PDE11A: variants seen among roughly 807,000 people sequenced by gnomAD.
The protein encoded by PDE11A is phosphodiesterase 11A, also known as dual 3',5'-cyclic-AMP and -GMP phosphodiesterase 11A.
A neutral mutation model predicts 100.5 loss-of-function variants in PDE11A; 100 were observed. That is an observed-to-expected ratio of 1.00 (90% CI 0.85 to 1.18). The LOEUF (loss-of-function observed/expected upper bound fraction) is 1.18. PDE11A is among the 50% of genes most tolerant of loss of function. The pLI, the probability that PDE11A is intolerant of heterozygous loss-of-function variation, is 0.00. For missense variants in PDE11A, 1,141 were observed against 1,152.6 expected (o/e 0.99, Z 0.15); for synonymous variants, 381 against 420.8 (o/e 0.91, Z 1.16).
intron 2 of PDE11A, among the ~76,000 whole-genome samples, chr2:178,079,712 C>T (rs1281746760): frequency 6.6e-6 from 1 of 152,110 alleles, no homozygotes; most frequent in Non-Finnish European, 1.5e-5. Flanking sequence ...GAGGAATAGT[C>T]ACACTGTCTT....
chr2:177,875,929 G>T lies in PDE11A; in HGVS notation c.1303-6C>A, dbSNP rs74514411. 3 of 1,579,302 alleles carry T rather than the reference G, an allele frequency of 1.9e-6. No individual in the cohort carries two copies. The highest frequency in any genetic ancestry group is 2.6e-6 in the Non-Finnish European group (3 of 1,148,234). ...GATTTGGTAAATTTCACCACCTGTC[G>T]CATAGAAAGATAATAAATCCAGGTC... On this transcript the variant is annotated splice_region_variant and splice_polypyrimidine_tract_variant and intron_variant, in intron 4 of 19. Coordinates refer to ENST00000286063, the MANE Select transcript of PDE11A (RefSeq NM_016953.4).
chr2:178,073,803 T>C (rs181934490), upstream of PDE11A, among the ~76,000 whole-genome samples: 21 of 152,312 alleles, frequency 1.4e-4, no homozygotes, highest in East Asian at 2.9e-3. Context: ...CAAGTGCCTA[T>C]TTTAAAATCT....
intron 19 of PDE11A, among the ~76,000 whole-genome samples, chr2:177,643,422 G>C (rs781660180): frequency 6.6e-6 from 1 of 152,280 alleles, no homozygotes; most frequent in Non-Finnish European, 1.5e-5. Flanking sequence ...GCAGCATTTT[G>C]TCCCTGCCCT....
intron 2 of PDE11A, among the ~76,000 whole-genome samples, chr2:177,964,286 A>G (rs2085671017): frequency 1.3e-5 from 2 of 152,190 alleles, no homozygotes; most frequent in Non-Finnish European, 2.9e-5. Flanking sequence ...TCCCTCAATT[A>G]TATAATACAC....
intron 2 of PDE11A, among the ~76,000 whole-genome samples, chr2:177,914,355 G>A (rs1029555088): frequency 4.6e-5 from 7 of 151,968 alleles, no homozygotes; most frequent in Admixed American, 2.6e-4. Flanking sequence ...AGCTATGAGC[G>A]CTTTGTCTAA....
intron 2 of PDE11A, among the ~76,000 whole-genome samples, chr2:178,012,454 G>T (rs2086284197): frequency 6.6e-6 from 1 of 152,148 alleles, no homozygotes; most frequent in Admixed American, 6.5e-5. Flanking sequence ...TAACTCTCCT[G>T]CTATAGAGTG....
intron 1 of PDE11A, among the ~76,000 whole-genome samples, chr2:178,038,240 C>T (rs1411220516): frequency 6.6e-6 from 1 of 151,948 alleles, no homozygotes; most frequent in Non-Finnish European, 1.5e-5. Flanking sequence ...ACTATCACCC[C>T]CACCAAAGTT....
intron 1 of PDE11A, among the ~76,000 whole-genome samples, chr2:178,035,842 A>ACT (rs1013128481): frequency 3.8e-4 from 58 of 152,012 alleles, no homozygotes; most frequent in African/African-American, 1.3e-3. Flanking sequence ...TACGCTAAAA[A>ACT]CTCAGTAAAC....
intron 9 of PDE11A, among the ~76,000 whole-genome samples, chr2:177,771,035 T>G (rs1024858885): frequency 1.3e-5 from 2 of 152,158 alleles, no homozygotes; most frequent in Admixed American, 1.3e-4. Context: ...CATCATGTTT[T>G]CCAGGCTGGT....
At chr2:178,086,667 A>T (rs985474297) in intron 2 of PDE11A, among the ~76,000 whole-genome samples, 5 of 152,232 alleles carry the variant, frequency 3.3e-5, no homozygotes, top group Admixed American at 2.6e-4. Context: ...CCATTTAAAA[A>T]TTTTTATTTT....
At chr2:177,993,306 C>T (rs2086026765) in intron 2 of PDE11A, among the ~76,000 whole-genome samples, 1 of 151,952 alleles carries the variant, frequency 6.6e-6, no homozygotes, top group Admixed American at 6.6e-5. Flanking sequence ...AATTGTGCAA[C>T]CTGGAGCAAA....
At chr2:177,944,809 C>CCTCTCCCTCTCCCTCTCCCTCTCA (rs2085385346) in intron 2 of PDE11A, among the ~76,000 whole-genome samples, 1 of 109,424 alleles carries the variant, frequency 9.1e-6, no homozygotes, top group Non-Finnish European at 2.2e-5. Context: ...GAGCGCTCTC[C>CCTCTCCCTCTCCCTCTCCCTCTCA]CTCTCCCTCT....
At position 178,072,381 on chromosome 2, in the gene PDE11A, T is replaced by C; in HGVS notation, c.57A>G (p.Pro19=). 1.9e-6 allele frequency: 3 copies of C among 1,613,862 alleles called. No individual in the cohort carries two copies. The highest frequency in any genetic ancestry group is 1.1e-5 in the South Asian group (1 of 91,084). ...GCATCAAGTAATCTTCAAACAACTC[T>C]GGGTGCCTGTCCAGGAAAGTTTCCA... is the stretch of plus-strand genomic sequence containing the variant. ...GEVETFLDRH[P]ELFEDYLMRK... The change falls in exon 1 of 20, where the codon CCA becomes CCG. Residue 19 remains proline (P), a synonymous_variant. Coordinates refer to ENST00000286063, the MANE Select transcript of PDE11A (RefSeq NM_016953.4).
At chr2:177,995,031 G>C (rs1415357145) in intron 2 of PDE11A, among the ~76,000 whole-genome samples, 1 of 152,114 alleles carries the variant, frequency 6.6e-6, no homozygotes, top group Admixed American at 6.5e-5. Flanking sequence ...TATCAAACTT[G>C]AGAGAGTAAA....
chr2:177,731,568 G>A (rs1465496716), intron 10 of PDE11A, among the ~76,000 whole-genome samples: 1 of 152,080 alleles, frequency 6.6e-6, no homozygotes, highest in African/African-American at 2.4e-5. Flanking sequence ...CTGCACTGAC[G>A]ATTCCCTAAC....
At chr2:177,852,047 G>A (rs1481364420) in intron 5 of PDE11A, among the ~76,000 whole-genome samples, 1 of 152,102 alleles carries the variant, frequency 6.6e-6, no homozygotes, top group African/African-American at 2.4e-5. Context: ...GCAGCCCCTA[G>A]AGTCCAGAGT....
chr2:177,726,137 A>G (rs1448800012), intron 12 of PDE11A, among the ~76,000 whole-genome samples: 1 of 152,244 alleles, frequency 6.6e-6, no homozygotes, highest in East Asian at 1.9e-4. Flanking sequence ...CTCATGGTTC[A>G]AAGCACCTTC....
At chr2:177,733,821 T>C (rs1574089621) in intron 10 of PDE11A, among the ~76,000 whole-genome samples, 1 of 152,260 alleles carries the variant, frequency 6.6e-6, no homozygotes, top group Non-Finnish European at 1.5e-5. Flanking sequence ...AGTGTTATGC[T>C]TTGCATATAC....
intron 1 of PDE11A, among the ~76,000 whole-genome samples, chr2:178,047,882 T>A (rs1431307731): frequency 6.6e-6 from 1 of 152,120 alleles, no homozygotes; most frequent in Non-Finnish European, 1.5e-5. Context: ...TGCATTCCCA[T>A]AGATGATGAG....
Sources: gnomAD v4.1 joint callset for allele counts (sites outside exome capture counted in the v4.1 genomes callset) on GRCh38, gnomAD v4.1.1 for gene constraint, MANE v1.5 for transcripts, NCBI Gene and HGNC (gene_info 2026-07-23, HGNC 2026-07-21) for gene names.